Variants in COL4A2 observed in about 807,000 individuals in gnomAD.
The protein encoded by COL4A2 is collagen type IV alpha 2 chain.
COL4A2 carries 99 observed loss-of-function variants against 200.2 expected under a neutral mutation model. The observed-to-expected ratio is 0.49, with a 90% CI of 0.42 to 0.58. COL4A2 has a LOEUF of 0.58. COL4A2 is among the 20% of genes least tolerant of loss of function. The probability of loss-of-function intolerance (pLI) is 0.00; values close to 1 mark genes in which losing one functional copy is unlikely to be tolerated. For synonymous variants in COL4A2, 897 were observed against 900.6 expected, an observed-to-expected ratio of 1.00 and a Z score of 0.07; for missense variants, 1,950 against 2,314.1, an observed-to-expected ratio of 0.84 and a Z score of 3.23.
chr13:110,472,829 C>T (rs1378260662), intron 28 of COL4A2, 100 bp from the exon 29 acceptor site: 2 of 1,127,554 alleles, frequency 1.8e-6, no homozygotes, highest in Admixed American at 4.2e-5. Flanking sequence ...CTGAGGACCC[C>T]ATAGCCAAAT....
intron 3 of COL4A2, among the ~76,000 whole-genome samples, chr13:110,345,745 G>C (rs1270033496): frequency 6.6e-6 from 1 of 152,198 alleles, no homozygotes; most frequent in Non-Finnish European, 1.5e-5. Context: ...CAGGGGGCAA[G>C]GGAAGGTGGT....
At chr13:110,409,797 C>T (rs974050150) in intron 4 of COL4A2, among the ~76,000 whole-genome samples, 2 of 152,020 alleles carry the variant, frequency 1.3e-5, no homozygotes, top group Admixed American at 6.5e-5. Flanking sequence ...TTTTTAATTG[C>T]GGATGTGTGT....
chr13:110,376,814 G>A (rs1295816585), intron 4 of COL4A2, among the ~76,000 whole-genome samples: 2 of 152,124 alleles, frequency 1.3e-5, no homozygotes, highest in Admixed American at 6.5e-5. Flanking sequence ...TTGGAGAGTC[G>A]AGGCCAGGCC....
Position 110,355,824 on chromosome 13 carries a change from CT to C in COL4A2, c.100-1647del, listed in dbSNP as rs1454430246. Among the ~76,000 whole-genome samples the C allele has an allele frequency of 3.6e-3, 24 of 6,696 alleles. 5 individuals are homozygous for C. Among genetic ancestry groups the C allele is most frequent in the South Asian group, 6.8e-3 (1 of 148 alleles). The allele number at this position is 6,696 out of a possible 152,430, so 4.4% of individuals were successfully genotyped here. On this transcript the variant is annotated intron_variant, in intron 3 of 47. Transcript: ENST00000360467. ...ACCTGTGTGAGTGGGGAGGGCTGCA[CT>C]AGCTCACCTGTGTGTGGGGGGGAGG...
At position 110,307,907 on chromosome 13, in the gene COL4A2, G is replaced by C. The variant is rs752976373; in HGVS notation, c.4G>C (p.Gly2Arg). Residue 2 changes from glycine to arginine, a missense_variant, in exon 2 of 48, where the codon GGG (glycine) becomes CGG (arginine). This residue lies in a region of COL4A2 where 565 missense variants were observed against 593.5 expected (regional missense o/e 0.95). Coordinates refer to ENST00000360467, the MANE Select transcript of COL4A2 (RefSeq NM_001846.4). The surrounding 1 kb of genome is among the most constrained non-coding windows in gnomAD (Gnocchi z 5.0). M[G>R]RDQRAVAGPA... ...CCAGAGTGGACGAACCGCCAGCATG[G>C]GGAGAGACCAGCGCGCGGTGGCCGG... is the stretch of plus-strand genomic sequence containing the variant. 22 of 1,612,530 alleles carry C rather than the reference G, an allele frequency of 1.4e-5. No individual in the cohort carries two copies. In the Admixed American group the frequency reaches 2.7e-4, roughly 20 times the overall value.
chr13:110,410,859 G>C (rs958139072), intron 4 of COL4A2, among the ~76,000 whole-genome samples: 2 of 152,100 alleles, frequency 1.3e-5, no homozygotes. Flanking sequence ...ATTCAACCCC[G>C]GTAGCACTTC....
At chr13:110,366,506 CTGT>C (rs1161977456) in intron 4 of COL4A2, among the ~76,000 whole-genome samples, 1 of 152,176 alleles carries the variant, frequency 6.6e-6, no homozygotes, top group African/African-American at 2.4e-5. Context: ...TTTGAAATTA[CTGT>C]TGTTGTTTTC....
chr13:110,485,598 CTG>C, intron 33 of COL4A2, 55 bp from the exon 34 acceptor site: 1 of 1,326,576 alleles, frequency 7.5e-7, no homozygotes, highest in East Asian at 2.7e-5. Context: ...AAATTGAAAA[CTG>C]GAGGGCGGGT....
intron 3 of COL4A2, among the ~76,000 whole-genome samples, chr13:110,354,315 A>G (rs971417736): frequency 6.6e-6 from 1 of 152,128 alleles, no homozygotes; most frequent in Non-Finnish European, 1.5e-5. Context: ...TGAATGCGCC[A>G]GCCCATCTAG....
chr13:110,410,233 C>T (rs1258393220), intron 4 of COL4A2, among the ~76,000 whole-genome samples: 4 of 152,340 alleles, frequency 2.6e-5, no homozygotes, highest in Non-Finnish European at 4.4e-5. Flanking sequence ...TCGTGGGCCA[C>T]GTCCCCTGTC....
chr13:110,324,724 C>G (rs1885361490), intron 3 of COL4A2, among the ~76,000 whole-genome samples: 1 of 152,220 alleles, frequency 6.6e-6, no homozygotes, highest in Admixed American at 6.5e-5. Context: ...GAGGGCTCTT[C>G]TGGCCTCGGG....
chr13:110,485,591 T>A, intron 33 of COL4A2, 64 bp from the exon 34 acceptor site: 1 of 1,338,658 alleles, frequency 7.5e-7, no homozygotes, highest in Non-Finnish European at 1.0e-6. Flanking sequence ...GGCTGCAAAA[T>A]TGAAAACTGG....
At chr13:110,485,990 G>A (rs1190582139) in intron 34 of COL4A2, among the ~76,000 whole-genome samples, 154 bp downstream of exon 34, 3 of 152,222 alleles carry the variant, frequency 2.0e-5, no homozygotes, top group Non-Finnish European at 4.4e-5. Flanking sequence ...AGCCCTGGAA[G>A]GAGCTGCTGC....
chr13:110,491,067 G>A (rs1242395085), intron 36 of COL4A2, among the ~76,000 whole-genome samples, 166 bp from the exon 37 acceptor site: 1 of 152,198 alleles, frequency 6.6e-6, no homozygotes, highest in Non-Finnish European at 1.5e-5. Context: ...CAGGCTCAGA[G>A]GGAGGAAGTA....
At chr13:110,368,425 C>T (rs1427547393) in intron 4 of COL4A2, among the ~76,000 whole-genome samples, 1 of 152,218 alleles carries the variant, frequency 6.6e-6, no homozygotes, top group East Asian at 1.9e-4. Context: ...AACTTCAAAG[C>T]AATAAGCTTC....
chr13:110,416,743 A>G (rs958794782), intron 4 of COL4A2, among the ~76,000 whole-genome samples: 4 of 152,212 alleles, frequency 2.6e-5, no homozygotes, highest in African/African-American at 9.6e-5. Context: ...TATAGGTGGT[A>G]CCTTCTGGGA....
chr13:110,490,766 G>T (rs1883260303), intron 36 of COL4A2, among the ~76,000 whole-genome samples: 1 of 152,206 alleles, frequency 6.6e-6, no homozygotes, highest in South Asian at 2.1e-4. Flanking sequence ...CTCTAATGAT[G>T]CCTTCACTTG....
At chr13:110,385,655 ATAGACCGTGGCTGCAGTGTGTGGATAGG>A (rs1245190393) in intron 4 of COL4A2, among the ~76,000 whole-genome samples, 1 of 144,804 alleles carries the variant, frequency 6.9e-6, no homozygotes. Context: ...CAGTGTGTGG[ATAGACCGTGGCTGCAGTGTGTGGATAGG>A]CCGTGGTTAC....
At chr13:110,330,345 G>A (rs961054637) in intron 3 of COL4A2, among the ~76,000 whole-genome samples, 5 of 152,162 alleles carry the variant, frequency 3.3e-5, no homozygotes, top group African/African-American at 1.2e-4. Flanking sequence ...TGTTTTACTC[G>A]GTGGCTTCAT....
Sources: gnomAD v4.1 joint callset for allele counts (sites outside exome capture counted in the v4.1 genomes callset) on GRCh38, gnomAD v4.1.1 for gene constraint, gnomAD v4.1.1 regional missense constraint, Gnocchi (gnomAD v3.1) non-coding constraint, MANE v1.5 for transcripts, NCBI Gene and HGNC (gene_info 2026-07-23, HGNC 2026-07-21) for gene names.